SYN3: variants seen among roughly 807,000 people sequenced by gnomAD.
The protein encoded by SYN3 is synapsin-3.
SYN3 carries 35 observed loss-of-function variants against 65.8 expected under a neutral mutation model. That is an observed-to-expected ratio of 0.53 (90% CI 0.41 to 0.70). The LOEUF (loss-of-function observed/expected upper bound fraction) is 0.70. SYN3 is among the 30% of genes least tolerant of loss of function. SYN3 has a pLI of 0.00. For synonymous variants in SYN3, 270 were observed against 292.9 expected, an observed-to-expected ratio of 0.92 and a Z score of 0.80; for missense variants, 680 against 749.0, an observed-to-expected ratio of 0.91 and a Z score of 1.08.
At chr22:32,628,440 C>T (rs140908247) in intron 6 of SYN3, among the ~76,000 whole-genome samples, 18 of 152,260 alleles carry the variant, frequency 1.2e-4, no homozygotes, top group African/African-American at 4.3e-4. Flanking sequence ...GCTGGATTAC[C>T]TGCTCCTGCC....
chr22:32,581,852 G>A (rs4820082), intron 7 of SYN3, among the ~76,000 whole-genome samples: 60,002 of 139,040 alleles, frequency 0.43, 15,720 homozygotes, highest in African/African-American at 0.76. Context: ...GTTGGAGTGC[G>A]GTGGTGTGAT....
At chr22:33,015,115 G>A (rs538539051) in intron 1 of SYN3, 29 of 175,958 alleles carry the variant, frequency 1.6e-4, no homozygotes, top group Admixed American at 3.2e-4. Flanking sequence ...CAGTTACTGG[G>A]GAGGCTGAGG....
chr22:32,957,006 C>T (rs533828478), intron 3 of SYN3, among the ~76,000 whole-genome samples: 2 of 152,112 alleles, frequency 1.3e-5, no homozygotes, highest in Non-Finnish European at 2.9e-5. Flanking sequence ...CAGAGTAAGC[C>T]AGGAAAATAG....
chr22:33,015,242 AC>A, intron 1 of SYN3: 6 of 214,488 alleles, frequency 2.8e-5, no homozygotes, highest in East Asian at 1.7e-4. Context: ...AAAAAAAAAA[AC>A]TACTGTATCT....
At chr22:32,555,237 T>A (rs909819701) in intron 7 of SYN3, among the ~76,000 whole-genome samples, 1 of 152,126 alleles carries the variant, frequency 6.6e-6, no homozygotes, top group Admixed American at 6.5e-5. Context: ...GGTCTTAACA[T>A]CCTCTTACGA....
intron 7 of SYN3, among the ~76,000 whole-genome samples, chr22:32,563,891 A>G (rs1027737021): frequency 6.6e-6 from 1 of 151,946 alleles, no homozygotes; most frequent in Non-Finnish European, 1.5e-5. Context: ...ATGGTCTCGA[A>G]CTCCTGACCT....
intron 6 of SYN3, among the ~76,000 whole-genome samples, chr22:32,677,332 T>G (rs773203723): frequency 1.8e-4 from 27 of 152,200 alleles, no homozygotes; most frequent in Non-Finnish European, 3.4e-4. Context: ...TGCGCTAGTA[T>G]GTAACACATC....
Position 33,019,433 on chromosome 22 carries a change from T to C in SYN3, c.-162-12609A>G, listed in dbSNP as rs973876674. Among the ~76,000 whole-genome samples the C allele has an allele frequency of 1.3e-5, 2 of 152,162 alleles. 1 individual carries two copies. Among genetic ancestry groups the C allele is most frequent in the Non-Finnish European group, 2.9e-5 (2 of 68,034 alleles). ...CAATCCCAGCTCTGCCACTTACTCA[T>C]GTAATATCTATGAGAGTTGGGGTGG... is the stretch of plus-strand genomic sequence containing the variant. On this transcript the variant is annotated intron_variant, in intron 1 of 13. Coordinates refer to ENST00000358763, the MANE Select transcript of SYN3 (RefSeq NM_003490.4).
rs543897159 is a variant in SYN3, at chr22:32,821,823, G to A, written c.711+43092C>T. 7.2e-5 allele frequency among the ~76,000 whole-genome samples: 11 copies of A among 152,268 alleles called. No individual in the cohort carries two copies. In the East Asian group the frequency reaches 1.4e-3, roughly 19 times the overall value. On this transcript the variant is annotated intron_variant, in intron 6 of 13. Transcript: ENST00000358763. ...ACAAAGAGGGCCTCATGGTTCCCCC[G>A]TCACTCACTGCCTTCCACTCCCTGC...
rs1278909372 is a variant in SYN3 at position 32,739,092 on chromosome 22, C to T, written c.711+125823G>A. 1.5e-4 allele frequency among the ~76,000 whole-genome samples: 22 copies of T among 151,472 alleles called. 1 individual carries two copies. Among genetic ancestry groups the T allele is most frequent in the African/African-American group, 4.8e-5 (2 of 41,260 alleles). ...GTCTGATATGGGTTTGGCTGTGTCC[C>T]AATCCAAATGTCATCTTGAATTATA... On this transcript the variant is annotated intron_variant, in intron 6 of 13. Coordinates refer to ENST00000358763, the MANE Select transcript of SYN3 (RefSeq NM_003490.4).
chr22:32,676,528 C>CTTTTTT (rs879196572), intron 6 of SYN3, among the ~76,000 whole-genome samples: 82 of 88,914 alleles, frequency 9.2e-4, no homozygotes, highest in Non-Finnish European at 9.4e-4. Context: ...TCTTTTCTTT[C>CTTTTTT]TTTTTTTTTT....
chr22:32,908,949 C>A (rs1314808706), intron 4 of SYN3, among the ~76,000 whole-genome samples: 3 of 152,156 alleles, frequency 2.0e-5, no homozygotes, highest in Non-Finnish European at 2.9e-5. Flanking sequence ...AATGAGACCC[C>A]AAGAGAAAGA....
intron 6 of SYN3, among the ~76,000 whole-genome samples, chr22:32,681,943 C>G (rs527961859): frequency 9.9e-6 from 1 of 101,036 alleles, no homozygotes; most frequent in South Asian, 3.0e-4. Flanking sequence ...ACAGCTGTCA[C>G]GAAGCCACAT....
At chr22:32,902,636 C>G (rs1045768867) in intron 4 of SYN3, among the ~76,000 whole-genome samples, 2 of 152,114 alleles carry the variant, frequency 1.3e-5, no homozygotes, top group Non-Finnish European at 2.9e-5. Flanking sequence ...TTCACACCAG[C>G]TTCTGAGAAT....
At chr22:32,738,928 G>A (rs2061367051) in intron 6 of SYN3, among the ~76,000 whole-genome samples, 1 of 152,194 alleles carries the variant, frequency 6.6e-6, no homozygotes. Context: ...CCACTCACCT[G>A]CAGATATAAG....
chr22:32,857,018 C>T (rs2048388459), intron 6 of SYN3, among the ~76,000 whole-genome samples: 1 of 152,172 alleles, frequency 6.6e-6, no homozygotes, highest in South Asian at 2.1e-4. Context: ...GAATCATATT[C>T]CATTGGGTAT....
chr22:32,555,190 G>T (rs980015735), intron 7 of SYN3, among the ~76,000 whole-genome samples: 2 of 152,160 alleles, frequency 1.3e-5, no homozygotes, highest in Non-Finnish European at 2.9e-5. Flanking sequence ...TAGCCCTGAG[G>T]TTGATGCTGA....
intron 8 of SYN3, 151 bp downstream of exon 8, chr22:32,541,420 C>G: frequency 1.0e-6 from 1 of 969,316 alleles, no homozygotes; most frequent in Non-Finnish European, 1.5e-6. Context: ...TGGACATCAG[C>G]CCCTCAGCCA....
At chr22:32,978,105 C>G (rs1369796965) in intron 3 of SYN3, among the ~76,000 whole-genome samples, 1 of 152,146 alleles carries the variant, frequency 6.6e-6, no homozygotes, top group African/African-American at 2.4e-5. Context: ...TGAGGAAGAT[C>G]ACTCTAGCGT....
Sources: allele counts gnomAD v4.1 joint callset (sites outside exome capture counted in the v4.1 genomes callset), GRCh38; gene constraint gnomAD v4.1.1; transcripts MANE v1.5; gene names NCBI Gene and HGNC (gene_info 2026-07-23, HGNC 2026-07-21).